The following GTPBP1 variants were observed in gnomAD, a reference collection of about 807,000 sequenced individuals.
GTPBP1 encodes GTP-binding protein 1.
Under a neutral mutation model 62.0 loss-of-function variants are expected in GTPBP1, and 23 were observed. The observed-to-expected ratio is 0.37, with a 90% CI of 0.27 to 0.53. The LOEUF (loss-of-function observed/expected upper bound fraction) is 0.53. GTPBP1 is among the 20% of genes least tolerant of loss of function. GTPBP1 has a pLI of 0.89. For synonymous variants in GTPBP1, 344 were observed against 364.4 expected, an observed-to-expected ratio of 0.94 and a Z score of 0.64; for missense variants, 640 against 917.3, an observed-to-expected ratio of 0.70 and a Z score of 3.90.
chr22:38,715,728 G>A (rs1212822168), intron 2 of GTPBP1, among the ~76,000 whole-genome samples, 179 bp from the exon 3 acceptor site: 1 of 152,160 alleles, frequency 6.6e-6, no homozygotes, highest in Non-Finnish European at 1.5e-5. Context: ...CTGTGGCACT[G>A]TCATGTTTTA....
downstream of GTPBP1, chr22:38,740,774 G>A (rs895560729): frequency 6.7e-5 from 40 of 598,732 alleles, no homozygotes; most frequent in Admixed American, 1.2e-4. This position sits in a 1 kb window ranked among gnomAD's most constrained non-coding sequence, Gnocchi z 4.8. Context: ...AATGAATCCC[G>A]GTCCTCTCAC....
downstream of GTPBP1, chr22:38,742,833 C>T (rs890836214): frequency 5.8e-5 from 23 of 398,600 alleles, 1 homozygote; most frequent in South Asian, 5.8e-4. Context: ...GAAGGTGGGC[C>T]GGGGAGAAGG....
rs1262049847 is a variant in GTPBP1, at chr22:38,730,614, T to G, written c.1920T>G (p.Pro640=). 6.2e-7 allele frequency: 1 copy of G among 1,601,008 alleles called. No homozygotes were observed. Among genetic ancestry groups the G allele is most frequent in the Non-Finnish European group, 8.5e-7 (1 of 1,174,542 alleles). ...PAASSNLQPQ[P]KPSSGGRRRG... is the part of the protein sequence containing the mutation. Reference sequence around the variant, plus strand: ...CAAGCTCCTTCTCTCTCTTTCAGCCTAAGCCCAGCAGTGGAGGCCGGCGAC... The same window carrying G: ...CAAGCTCCTTCTCTCTCTTTCAGCCGAAGCCCAGCAGTGGAGGCCGGCGAC... Residue 640 remains proline, a splice_region_variant and synonymous_variant, in exon 12 of 12, where the codon CCT becomes CCG. Coordinates refer to ENST00000216044, the MANE Select transcript of GTPBP1 (RefSeq NM_004286.5). The surrounding 1 kb of genome is among the most constrained non-coding windows in gnomAD (Gnocchi z 5.6).
intron 2 of GTPBP1, among the ~76,000 whole-genome samples, chr22:38,713,703 T>C (rs943989633): frequency 3.9e-5 from 6 of 152,246 alleles, no homozygotes; most frequent in Non-Finnish European, 7.3e-5. Flanking sequence ...AGGTTCTTTT[T>C]ACCCCACTGT....
At chr22:38,715,845 T>A in intron 2 of GTPBP1, 62 bp from the exon 3 acceptor site, 1 of 1,422,174 alleles carries the variant, frequency 7.0e-7, no homozygotes, top group Non-Finnish European at 9.7e-7. Flanking sequence ...CCTGGCTGGC[T>A]GGTTGGCAGG....
chr22:38,738,694 G>T (rs182710324), downstream of GTPBP1: 5 of 1,613,764 alleles, frequency 3.1e-6, no homozygotes, highest in East Asian at 1.1e-4. The surrounding 1 kb of genome is among the most constrained non-coding windows in gnomAD (Gnocchi z 6.6). Flanking sequence ...GCAGAGAGGC[G>T]GACCACGGCG....
chr22:38,719,937 T>A (rs1270470526), intron 4 of GTPBP1, among the ~76,000 whole-genome samples: 3 of 149,762 alleles, frequency 2.0e-5, no homozygotes, highest in Non-Finnish European at 4.5e-5. Flanking sequence ...TTCTTTTTTT[T>A]TTTTTTTTTG....
downstream of GTPBP1, chr22:38,738,179 G>A (rs539775471): frequency 5.0e-5 from 80 of 1,613,980 alleles, 2 homozygotes; most frequent in South Asian, 8.2e-4. The surrounding 1 kb of genome is among the most constrained non-coding windows in gnomAD (Gnocchi z 6.6). Flanking sequence ...GTACCTGAAA[G>A]TGAAACGTCT....
At chr22:38,740,134 C>A, downstream of GTPBP1, 1 of 1,317,158 alleles carries the variant, frequency 7.6e-7, no homozygotes, top group Non-Finnish European at 1.0e-6. This position sits in a 1 kb window ranked among gnomAD's most constrained non-coding sequence, Gnocchi z 4.8. Context: ...CCACATGTGT[C>A]AAGGCCAACG....
chr22:38,714,621 G>A (rs2092659346), intron 2 of GTPBP1, among the ~76,000 whole-genome samples: 2 of 152,158 alleles, frequency 1.3e-5, no homozygotes, highest in African/African-American at 2.4e-5. Flanking sequence ...ATGGTGAAAG[G>A]AAAAACAGGA....
intron 4 of GTPBP1, among the ~76,000 whole-genome samples, chr22:38,721,124 G>C (rs953325554): frequency 1.3e-4 from 20 of 152,222 alleles, no homozygotes; most frequent in Admixed American, 1.2e-3. Flanking sequence ...TTGTTGCCCA[G>C]GCTGGAGTGC....
At position 38,727,496 on chromosome 22, in the gene GTPBP1, C is replaced by A; in HGVS notation, c.1537+148C>A. The A allele has an allele frequency of 1.3e-6, 1 of 756,436 alleles. No homozygotes were observed. The highest frequency in any genetic ancestry group is 2.0e-6 in the Non-Finnish European group (1 of 488,134). The allele number at this position is 756,436 out of a possible 1,614,324, so 46.9% of individuals were successfully genotyped here. On this transcript the variant is annotated intron_variant, in intron 9 of 11. Coordinates refer to ENST00000216044, the MANE Select transcript of GTPBP1 (RefSeq NM_004286.5). The surrounding 1 kb of genome is among the most constrained non-coding windows in gnomAD (Gnocchi z 6.5). ...GTGATGCCGTTCCTTCTGTTCTACC[C>A]ATGAGCCGCAGTGTTGATTCCTTCC...
In GTPBP1 at chr22:38,729,609, G is replaced by A; in HGVS notation, c.1864G>A (p.Ala622Thr). ...AGGAGCACCCCCACCTGGAGATGAA[G>A]CCTCCTCTGTAGGGGCAGGGCAACC... is the stretch of plus-strand genomic sequence containing the variant. ...AVGAPPPGDE[A>T]SSVGAGQPAA... Residue 622 changes from alanine to threonine, a missense_variant, in exon 11 of 12, where the codon GCC becomes ACC. By Grantham distance (58) the Ala-to-Thr change is moderately conservative. This residue lies in a region of GTPBP1 where 117 missense variants were observed against 107.1 expected (regional missense o/e 1.09). Transcript: ENST00000216044. The A allele has an allele frequency of 2.6e-6, 4 of 1,558,602 alleles. No homozygotes were observed. Among genetic ancestry groups the A allele is most frequent in the East Asian group, 2.3e-5 (1 of 43,018 alleles).
chr22:38,739,668 T>C, downstream of GTPBP1: 1 of 1,585,316 alleles, frequency 6.3e-7, no homozygotes, highest in Non-Finnish European at 8.6e-7. This position sits in a 1 kb window ranked among gnomAD's most constrained non-coding sequence, Gnocchi z 6.7. Context: ...TGTCCAGGGC[T>C]CCCAGGGAGG....
intron 4 of GTPBP1, among the ~76,000 whole-genome samples, chr22:38,717,400 C>T (rs12157359): frequency 0.02 from 3,080 of 152,156 alleles, 101 homozygotes; most frequent in African/African-American, 0.069. Flanking sequence ...GGGGAAGAAA[C>T]GGAGAAGACA....
rs1172426662 is a variant in GTPBP1, at chr22:38,715,993, G to A, written c.391G>A (p.Val131Ile). 3.1e-6 allele frequency: 5 copies of A among 1,614,162 alleles called. No homozygotes were observed. The highest frequency in any genetic ancestry group is 4.2e-6 in the Non-Finnish European group (5 of 1,180,008). ...KSMAEQIEAD[V>I]ILLRERQEAG... is the part of the protein sequence containing the mutation. ...CATGGCGGAACAGATAGAGGCCGAT[G>A]TCATCCTTCTGCGGGAACGGCAAGA... Residue 131 changes from valine (V) to isoleucine (I), a missense_variant, in exon 3 of 12, where the codon GTC becomes ATC. By Grantham distance (29) the Val-to-Ile change is conservative. Coordinates refer to ENST00000216044, the MANE Select transcript of GTPBP1 (RefSeq NM_004286.5).
chr22:38,722,850 T>C (rs1197642584), intron 5 of GTPBP1: 74 of 1,517,554 alleles, frequency 4.9e-5, no homozygotes, highest in Non-Finnish European at 6.3e-5. Context: ...GGTTTCTACA[T>C]ACTGGAACGC....
At chr22:38,739,506 C>T (rs573706772), downstream of GTPBP1, 28 of 1,515,158 alleles carry the variant, frequency 1.8e-5, no homozygotes, top group South Asian at 2.9e-4. This position sits in a 1 kb window ranked among gnomAD's most constrained non-coding sequence, Gnocchi z 6.7. Context: ...GGGCCAAGGA[C>T]CCATGGGCTG....
intron 4 of GTPBP1, among the ~76,000 whole-genome samples, chr22:38,718,228 G>A (rs2092681310): frequency 6.6e-6 from 1 of 152,146 alleles, no homozygotes; most frequent in South Asian, 2.1e-4. Context: ...AGATCCAGAG[G>A]GCGTATTTAG....
Sources: allele counts gnomAD v4.1 joint callset (sites outside exome capture counted in the v4.1 genomes callset), GRCh38; gene constraint gnomAD v4.1.1; regional missense constraint gnomAD v4.1.1; non-coding constraint Gnocchi (gnomAD v3.1); transcripts MANE v1.5; gene names NCBI Gene and HGNC (gene_info 2026-07-23, HGNC 2026-07-21).